The following SLC17A6 variants were observed in gnomAD, a reference collection of about 807,000 sequenced individuals.
SLC17A6 encodes the protein vesicular glutamate transporter 2.
SLC17A6 carries 35 observed loss-of-function variants against 67.1 expected under a neutral mutation model. The observed-to-expected ratio is 0.52, with a 90% CI of 0.40 to 0.69. The LOEUF (loss-of-function observed/expected upper bound fraction) is 0.69, where lower values mean the gene tolerates loss of function less well. Ranked by LOEUF, SLC17A6 falls within the 30% of genes least tolerant of loss-of-function variation. The probability of loss-of-function intolerance (pLI) is 0.00; values close to 1 mark genes in which losing one functional copy is unlikely to be tolerated. For missense variants in SLC17A6, 588 were observed against 723.9 expected, an observed-to-expected ratio of 0.81 and a Z score of 2.15; for synonymous variants, 285 against 252.3, an observed-to-expected ratio of 1.13 and a Z score of -1.23.
intron 3 of SLC17A6, among the ~76,000 whole-genome samples, chr11:22,353,261 G>A (rs1855962196): frequency 1.3e-5 from 2 of 152,096 alleles, no homozygotes; most frequent in South Asian, 4.1e-4. Flanking sequence ...AAGAAATGAG[G>A]CTAAGAGAAT....
intron 6 of SLC17A6, among the ~76,000 whole-genome samples, chr11:22,364,360 T>G (rs1051851403): frequency 2.0e-5 from 3 of 152,156 alleles, no homozygotes; most frequent in Admixed American, 6.5e-5. Context: ...CTTGTTGATT[T>G]ATATATTACC....
At position 22,378,038 on chromosome 11, in the gene SLC17A6, T is replaced by C. The variant is rs1856251117; in HGVS notation, c.*298T>C. On this transcript the variant is annotated 3_prime_UTR_variant, in exon 12 of 12. Transcript: ENST00000263160. Reference sequence around the variant, plus strand: ...ATTCATATGAGCTAAAACTCATCACTATTTACTAAAGCACAACATCTCATC... The same window carrying C: ...ATTCATATGAGCTAAAACTCATCACCATTTACTAAAGCACAACATCTCATC... The C allele has an allele frequency of 2.6e-6, 1 of 387,100 alleles. No homozygotes were observed. Among genetic ancestry groups the C allele is most frequent in the Admixed American group, 4.2e-5 (1 of 23,716 alleles). The allele number at this position is 387,100 out of a possible 1,614,324, so 24.0% of individuals were successfully genotyped here. A position where few individuals can be genotyped will look rare whatever the true frequency, so the allele number is the denominator to read the frequency against.
At chr11:22,366,338 G>A (rs916864606) in intron 7 of SLC17A6, among the ~76,000 whole-genome samples, 9 of 151,872 alleles carry the variant, frequency 5.9e-5, no homozygotes, top group South Asian at 2.1e-4. Flanking sequence ...GTGAAACCGC[G>A]GTTAAGGGAG....
chr11:22,338,687 A>C (rs1223662465), intron 1 of SLC17A6, 68 bp downstream of exon 1: 2 of 1,129,482 alleles, frequency 1.8e-6, no homozygotes, highest in East Asian at 4.7e-5. Context: ...CGTTTCCGTA[A>C]ACCCTGGTGG....
chr11:22,353,671 C>G (rs939236559), intron 3 of SLC17A6, among the ~76,000 whole-genome samples: 1 of 152,188 alleles, frequency 6.6e-6, no homozygotes, highest in Non-Finnish European at 1.5e-5. Context: ...CATTTTTGAT[C>G]TAACAATCTA....
At chr11:22,353,061 A>T (rs568239393) in intron 3 of SLC17A6, among the ~76,000 whole-genome samples, 1 of 152,212 alleles carries the variant, frequency 6.6e-6, no homozygotes. Context: ...GTGCAAAATC[A>T]TTCTGGAGAA....
chr11:22,370,328 G>C (rs1856161373), intron 8 of SLC17A6, 140 bp downstream of exon 8: 1 of 693,992 alleles, frequency 1.4e-6, no homozygotes, highest in South Asian at 2.1e-5. Context: ...CTAGGAAATA[G>C]AAGCAAAGTA....
chr11:22,342,756 T>G (rs7947317), intron 2 of SLC17A6, among the ~76,000 whole-genome samples: 6,751 of 152,284 alleles, frequency 0.044, 471 homozygotes, highest in African/African-American at 0.16. Flanking sequence ...ACGCTTTCTC[T>G]TAGCCACTAA....
intron 3 of SLC17A6, among the ~76,000 whole-genome samples, chr11:22,347,278 C>T (rs1855888312): frequency 6.6e-6 from 1 of 151,740 alleles, no homozygotes; most frequent in South Asian, 2.1e-4. Context: ...GGCTCTAAAG[C>T]CAAACTGTAG....
Position 22,374,865 on chromosome 11 carries a change from G to A in SLC17A6, c.1152G>A (p.Val384=). The change falls in exon 9 of 12, where the codon GTG becomes GTA. Residue 384 remains valine, a synonymous_variant. Transcript: ENST00000263160. The stretch of plus-strand genomic sequence containing the variant: ...AGCAGATTCTTTCAACTACGACAGT[G>A]AGAAAGATCATGAATTGTGGTGGTA... The part of the protein sequence containing the change: ...RSKQILSTTT[V]RKIMNCGGFG... 6.2e-7 allele frequency: 1 copy of A among 1,613,200 alleles called. No homozygotes were observed. Among genetic ancestry groups the A allele is most frequent in the South Asian group, 1.1e-5 (1 of 90,926 alleles).
Position 22,359,419 on chromosome 11 carries a change from C to G in SLC17A6, c.465C>G (p.Phe155Leu). Residue 155 changes from phenylalanine (F) to leucine (L), a missense_variant, in exon 4 of 12, where the codon TTC becomes TTG. Coordinates refer to ENST00000263160, the MANE Select transcript of SLC17A6 (RefSeq NM_020346.3). The stretch of plus-strand genomic sequence containing the variant: ...CTCATCTTTTCTATTTCAGGGTTTT[C>G]GGAGCTGCCATACTTCTTACCTCTA... ...IASRLAANRV[F>L]GAAILLTSTL... The G allele has an allele frequency of 6.4e-7, 1 of 1,564,856 alleles. No individual in the cohort carries two copies. Among genetic ancestry groups the G allele is most frequent in the Non-Finnish European group, 8.7e-7 (1 of 1,155,034 alleles).
chr11:22,362,555 TC>T (rs1856065086), intron 5 of SLC17A6, among the ~76,000 whole-genome samples, 183 bp from the exon 6 acceptor site: 1 of 152,144 alleles, frequency 6.6e-6, no homozygotes, highest in Admixed American at 6.5e-5. Flanking sequence ...ACTTGTGTAA[TC>T]CCGTGTTCCT....
At chr11:22,353,147 A>G (rs192013755) in intron 3 of SLC17A6, among the ~76,000 whole-genome samples, 83 of 152,348 alleles carry the variant, frequency 5.4e-4, no homozygotes, top group Non-Finnish European at 6.6e-4. Flanking sequence ...GCTAACCTTG[A>G]CAAGCCATTT....
At chr11:22,374,708 A>C in intron 8 of SLC17A6, 47 bp from the exon 9 acceptor site, 1 of 1,471,906 alleles carries the variant, frequency 6.8e-7, no homozygotes, top group Non-Finnish European at 9.1e-7. Flanking sequence ...AATTGCCCAT[A>C]TTATTTATGG....
At chr11:22,365,737 C>G (rs745545570) in intron 7 of SLC17A6, 48 bp downstream of exon 7, 1 of 1,545,346 alleles carries the variant, frequency 6.5e-7, no homozygotes, top group Non-Finnish European at 8.7e-7. Context: ...CCCATCTCGC[C>G]CCCATTGACC....
rs1856251255 is a variant in SLC17A6, at chr11:22,378,051, A to G, written c.*311A>G. ...AAAACTCATCACTATTTACTAAAGC[A>G]CAACATCTCATCCTACAAAAGTTAA... On this transcript the variant is annotated 3_prime_UTR_variant, in exon 12 of 12. Coordinates refer to ENST00000263160, the MANE Select transcript of SLC17A6 (RefSeq NM_020346.3). 2 of 354,732 alleles carry G rather than the reference A, an allele frequency of 5.6e-6. No homozygotes were observed. Among genetic ancestry groups the G allele is most frequent in the Admixed American group, 8.8e-5 (2 of 22,632 alleles). The allele number at this position is 354,732 out of a possible 1,614,324, so 22.0% of individuals were successfully genotyped here.
intron 1 of SLC17A6, among the ~76,000 whole-genome samples, chr11:22,341,102 G>C (rs1190362254): frequency 6.6e-6 from 1 of 152,216 alleles, no homozygotes; most frequent in Non-Finnish European, 1.5e-5. Flanking sequence ...GCGGTAGTCA[G>C]GGTAAAGCCC....
At position 22,341,555 on chromosome 11, in the gene SLC17A6, G is replaced by A. The variant is rs779116229; in HGVS notation, c.114G>A (p.Gly38=). Residue 38 remains glycine (G), a synonymous_variant, in exon 2 of 12, where the codon GGG becomes GGA. Transcript: ENST00000263160. ...TGCTGGAGAAGAAGCAAGACACCGGGGAGACAATCGAGCTGACGGAGGATG... is the reference window on the plus strand; with the variant it reads ...TGCTGGAGAAGAAGCAAGACACCGGAGAGACAATCGAGCTGACGGAGGATG... ...YRVLEKKQDT[G]ETIELTEDGK... 2 of 1,613,848 alleles carry A rather than the reference G, an allele frequency of 1.2e-6. No individual in the cohort carries two copies. Among genetic ancestry groups the A allele is most frequent in the African/African-American group, 1.3e-5 (1 of 74,954 alleles).
Position 22,377,833 on chromosome 11 carries a change from G to A in SLC17A6, c.*93G>A. The stretch of plus-strand genomic sequence containing the variant: ...AAAAACACGTGATGTAAACTTGCAA[G>A]CATATCAACCAGGCAAGTCTTGCTG... On this transcript the variant is annotated 3_prime_UTR_variant, in exon 12 of 12. Coordinates refer to ENST00000263160, the MANE Select transcript of SLC17A6 (RefSeq NM_020346.3). 1 of 1,037,392 alleles carries A rather than the reference G, an allele frequency of 9.6e-7. No homozygotes were observed. Among genetic ancestry groups the A allele is most frequent in the Non-Finnish European group, 1.4e-6 (1 of 728,618 alleles). The allele number at this position is 1,037,392 out of a possible 1,614,324, so 64.3% of individuals were successfully genotyped here.
Sources: allele counts gnomAD v4.1 joint callset (sites outside exome capture counted in the v4.1 genomes callset), GRCh38; gene constraint gnomAD v4.1.1; transcripts MANE v1.5; gene names NCBI Gene and HGNC (gene_info 2026-07-23, HGNC 2026-07-21).